GRIN2A: variants seen among roughly 807,000 people sequenced by gnomAD.
The protein encoded by GRIN2A is glutamate ionotropic receptor NMDA type subunit 2A.
Under a neutral mutation model 113.4 loss-of-function variants are expected in GRIN2A, and 22 were observed. The ratio of observed to expected loss-of-function variants is 0.19; its 90% CI spans 0.14 to 0.28. GRIN2A has a LOEUF of 0.28. Ranked by LOEUF, GRIN2A falls within the 10% of genes least tolerant of loss-of-function variation. The pLI is 1.00. For synonymous variants in GRIN2A, 827 were observed against 738.4 expected, an observed-to-expected ratio of 1.12 and a Z score of -1.94; for missense variants, 1,502 against 1,887.0, an observed-to-expected ratio of 0.80 and a Z score of 3.78.
intron 2 of GRIN2A, among the ~76,000 whole-genome samples, chr16:10,011,682 AT>A (rs936832079): frequency 8.6e-5 from 13 of 151,458 alleles, no homozygotes; most frequent in African/African-American, 1.5e-4. Context: ...CTAATTAATT[AT>A]TTTTTTTTAA....
At chr16:10,067,050 A>G (rs1469750218) in intron 2 of GRIN2A, among the ~76,000 whole-genome samples, 6 of 152,140 alleles carry the variant, frequency 3.9e-5, no homozygotes, top group African/African-American at 1.4e-4. Flanking sequence ...AGAGCACCCT[A>G]CCTCTAACTG....
At chr16:9,805,300 A>G (rs1567310695) in intron 10 of GRIN2A, among the ~76,000 whole-genome samples, 1 of 152,210 alleles carries the variant, frequency 6.6e-6, no homozygotes, top group East Asian at 1.9e-4. Flanking sequence ...GTCTCAGCAC[A>G]TTTAAAGGCT....
chr16:10,154,555 G>A (rs2049650034), intron 2 of GRIN2A, among the ~76,000 whole-genome samples: 2 of 152,192 alleles, frequency 1.3e-5, no homozygotes, highest in South Asian at 4.1e-4. Context: ...GTGTGCCTGG[G>A]TAGAGGAGGC....
Position 10,073,920 on chromosome 16 carries a change from C to G in GRIN2A, c.414+106078G>C, listed in dbSNP as rs377051554. ...GTGTGACAGAGTGAGACCCCCGTCA[C>G]AAAAAAAAAAAAAACGAAGTGAAAA... On this transcript the variant is annotated intron_variant, in intron 2 of 12. Coordinates refer to ENST00000330684, the MANE Select transcript of GRIN2A (RefSeq NM_001134407.3). 3.1e-5 allele frequency among the ~76,000 whole-genome samples: 4 copies of G among 130,348 alleles called. No homozygotes were observed. In the Admixed American group the frequency reaches 3.1e-4, roughly 10 times the overall value. 85.5% of individuals were successfully genotyped at this position (130,348 alleles called of 152,430 possible). A position where few individuals can be genotyped will look rare whatever the true frequency, so the allele number is the denominator to read the frequency against.
intron 2 of GRIN2A, among the ~76,000 whole-genome samples, chr16:9,982,747 A>G (rs1412847397): frequency 1.3e-5 from 2 of 152,088 alleles, no homozygotes; most frequent in Non-Finnish European, 2.9e-5. Context: ...AGTCCCTTTG[A>G]CCTGTAGTCT....
At chr16:10,112,076 C>A (rs552643967) in intron 2 of GRIN2A, 2 of 608,134 alleles carry the variant, frequency 3.3e-6, no homozygotes, top group African/African-American at 1.8e-5. Context: ...ATCGAGACTA[C>A]ATTCTGGCCT....
At chr16:9,772,641 G>T (rs557464872) in intron 11 of GRIN2A, among the ~76,000 whole-genome samples, 1 of 152,284 alleles carries the variant, frequency 6.6e-6, no homozygotes, top group South Asian at 2.1e-4. Flanking sequence ...CTCCCAAAGT[G>T]CTAGGATTAC....
intron 4 of GRIN2A, among the ~76,000 whole-genome samples, chr16:9,867,425 C>T (rs1481997585): frequency 1.3e-5 from 2 of 152,162 alleles, no homozygotes; most frequent in African/African-American, 2.4e-5. Context: ...GGACAACCCA[C>T]ATCACCCACA....
chr16:10,171,427 A>G (rs529527937), intron 2 of GRIN2A: 1 of 152,356 alleles, frequency 6.6e-6, no homozygotes, highest in East Asian at 1.9e-4. Flanking sequence ...CAGTTGGTGG[A>G]GTCATTTAGT....
chr16:10,014,144 GA>G (rs2046560343), intron 2 of GRIN2A, among the ~76,000 whole-genome samples: 1 of 152,228 alleles, frequency 6.6e-6, no homozygotes, highest in Admixed American at 6.5e-5. Context: ...GGTGAGTTGT[GA>G]GTGAATGTGT....
chr16:10,172,470 T>C (rs773183951), intron 2 of GRIN2A, among the ~76,000 whole-genome samples: 8 of 152,216 alleles, frequency 5.3e-5, no homozygotes, highest in Non-Finnish European at 1.2e-4. Context: ...ACCTACATCA[T>C]AGGCCTCACA....
At position 9,818,291 on chromosome 16, in the gene GRIN2A, T is replaced by C. The variant is rs186570310; in HGVS notation, c.2168+3973A>G. 4.4e-3 allele frequency among the ~76,000 whole-genome samples: 675 copies of C among 151,708 alleles called. 4 individuals are homozygous for C. The highest frequency in any genetic ancestry group is 0.015 in the African/African-American group (635 of 41,308). On this transcript the variant is annotated intron_variant, in intron 10 of 12. Transcript: ENST00000330684. ...TCTCATATTCTGGTTTTCATAATCATCTGAGGAGTTGAAGTCATGTCTCAT... is the reference window on the plus strand; with the variant it reads ...TCTCATATTCTGGTTTTCATAATCACCTGAGGAGTTGAAGTCATGTCTCAT...
rs145495027 is a variant in GRIN2A, at chr16:9,768,952, G to A, written c.2494C>T (p.Leu832Phe). 9.9e-6 allele frequency: 16 copies of A among 1,614,088 alleles called. No homozygotes were observed. The African/African-American group carries it at 1.7e-4, about 17-fold the overall frequency. Residue 832 changes from leucine to phenylalanine, a missense_variant, in exon 12 of 13, where the codon CTC (leucine) becomes TTC (phenylalanine). Physicochemically the swap from Leu to Phe is conservative, Grantham distance 22. Transcript: ENST00000330684. ...AGGTGCTCCCAGATGAAGGTGATGA[G>A]GCTAAGGGCCATGGCGGCAGCCAGC... ...YMLAAAMALSLITFIWEHLFY... is the reference protein window; with the variant it reads ...YMLAAAMALSFITFIWEHLFY...
intron 2 of GRIN2A, among the ~76,000 whole-genome samples, chr16:9,985,292 T>C (rs1365338946): frequency 6.6e-6 from 1 of 152,204 alleles, no homozygotes; most frequent in East Asian, 1.9e-4. Flanking sequence ...TAGAATGAAA[T>C]TTTAATTTAT....
chr16:10,182,840 C>G (rs1054440262), upstream of GRIN2A: 2 of 152,448 alleles, frequency 1.3e-5, no homozygotes, highest in Non-Finnish European at 2.9e-5. Flanking sequence ...GTCCTCTGAG[C>G]GCGCCGGAGC....
intron 2 of GRIN2A, among the ~76,000 whole-genome samples, chr16:10,036,132 CA>C (rs2047020854): frequency 6.6e-6 from 1 of 152,148 alleles, no homozygotes; most frequent in Non-Finnish European, 1.5e-5. Context: ...TAACTGAGAT[CA>C]GGGGTTTTTC....
chr16:9,973,334 G>GA (rs1224435979), intron 2 of GRIN2A, among the ~76,000 whole-genome samples: 2 of 152,160 alleles, frequency 1.3e-5, no homozygotes, highest in Non-Finnish European at 2.9e-5. Flanking sequence ...AAGTTTCTCT[G>GA]AAGGTTATTT....
intron 4 of GRIN2A, among the ~76,000 whole-genome samples, chr16:9,876,210 T>C (rs73500637): frequency 0.045 from 6,910 of 152,240 alleles, 532 homozygotes; most frequent in African/African-American, 0.16. Flanking sequence ...GAATGGCCTC[T>C]GGAATGTGCA....
Position 9,822,180 on chromosome 16 carries a change from T to C in GRIN2A, c.2168+84A>G, listed in dbSNP as rs1416406191. ...TCTCCAGAAATACAATGGGAGCAGA[T>C]AGGAACTGAGGCATGCCGAGAGTCA... is the stretch of plus-strand genomic sequence containing the variant. On this transcript the variant is annotated intron_variant, in intron 10 of 12. Coordinates refer to ENST00000330684, the MANE Select transcript of GRIN2A (RefSeq NM_001134407.3). 29 of 1,343,220 alleles carry C rather than the reference T, an allele frequency of 2.2e-5. No individual in the cohort carries two copies. The South Asian group carries it at 2.5e-4, about 11-fold the overall frequency. The allele number at this position is 1,343,220 out of a possible 1,614,324, so 83.2% of individuals were successfully genotyped here.
Sources: allele counts gnomAD v4.1 joint callset (sites outside exome capture counted in the v4.1 genomes callset), GRCh38; gene constraint gnomAD v4.1.1; transcripts MANE v1.5; gene names NCBI Gene and HGNC (gene_info 2026-07-23, HGNC 2026-07-21).